VPS13A: variants seen among roughly 807,000 people sequenced by gnomAD.
The protein encoded by VPS13A is vacuolar protein sorting 13 homolog A.
VPS13A carries 264 observed loss-of-function variants against 390.9 expected under a neutral mutation model. The ratio of observed to expected loss-of-function variants is 0.68; its 90% CI spans 0.61 to 0.75. The LOEUF is 0.75. Ranked by LOEUF, VPS13A falls within the 30% of genes least tolerant of loss-of-function variation. The pLI, the probability that VPS13A is intolerant of heterozygous loss-of-function variation, is 0.00. For synonymous variants in VPS13A, 1,231 were observed against 1,227.1 expected (o/e 1.00, Z -0.07); for missense variants, 3,409 against 3,733.9 (o/e 0.91, Z 2.27).
intron 31 of VPS13A, among the ~76,000 whole-genome samples, chr9:77,291,495 G>C (rs1308067727): frequency 6.6e-6 from 1 of 152,140 alleles, no homozygotes; most frequent in Non-Finnish European, 1.5e-5. Context: ...GCTTAGGTTG[G>C]TTTGAATTCC....
chr9:77,357,229 G>A (rs1831846597), intron 55 of VPS13A, among the ~76,000 whole-genome samples: 1 of 140,326 alleles, frequency 7.1e-6, no homozygotes, highest in Admixed American at 7.9e-5. Context: ...TGAGGCATGA[G>A]AATGCCTTGA....
intron 70 of VPS13A, among the ~76,000 whole-genome samples, chr9:77,406,456 G>A (rs1834613007): frequency 6.6e-6 from 1 of 151,742 alleles, no homozygotes. Flanking sequence ...GTCTTGCCCT[G>A]TCGCCCAAGC....
intron 67 of VPS13A, among the ~76,000 whole-genome samples, chr9:77,374,800 A>C (rs1474651189): frequency 6.6e-6 from 1 of 152,210 alleles, no homozygotes; most frequent in Non-Finnish European, 1.5e-5. Context: ...TTTGTAACAC[A>C]TATAACAGAT....
chr9:77,324,994 A>G (rs1829933311), intron 45 of VPS13A, among the ~76,000 whole-genome samples: 1 of 152,186 alleles, frequency 6.6e-6, no homozygotes, highest in South Asian at 2.1e-4. Context: ...TTTCTTAGGA[A>G]TAGAAAGCTC....
intron 23 of VPS13A, among the ~76,000 whole-genome samples, chr9:77,270,482 G>A (rs1826284067): frequency 6.6e-6 from 1 of 152,156 alleles, no homozygotes; most frequent in Admixed American, 6.5e-5. Context: ...CTTGAGGCCA[G>A]GAGTTCAAGA....
intron 54 of VPS13A, among the ~76,000 whole-genome samples, chr9:77,356,508 G>A (rs900377973): frequency 3.3e-5 from 5 of 152,070 alleles, no homozygotes; most frequent in African/African-American, 1.2e-4. Context: ...ACTGATAACG[G>A]CTGTAACACC....
At chr9:77,372,674 A>T (rs1286332922) in intron 67 of VPS13A, among the ~76,000 whole-genome samples, 5 of 152,202 alleles carry the variant, frequency 3.3e-5, no homozygotes, top group South Asian at 4.1e-4. Flanking sequence ...GTATTCAGTT[A>T]GGAAAAGAGG....
intron 54 of VPS13A, among the ~76,000 whole-genome samples, chr9:77,355,902 G>A (rs1278015704): frequency 3.3e-5 from 5 of 152,112 alleles, no homozygotes; most frequent in Non-Finnish European, 5.9e-5. Context: ...CTGGCTTACT[G>A]TAGTACACTA....
Position 77,344,225 on chromosome 9 carries a change from A to T in VPS13A, c.7099A>T (p.Lys2367Ter). Residue 2367 changes from lysine to a stop codon, truncating the protein, a stop_gained, in exon 51 of 72, where the codon AAA becomes TAA. Coordinates refer to ENST00000360280, the MANE Select transcript of VPS13A (RefSeq NM_033305.3). LOFTEE classifies it high-confidence loss of function. ...AGTCGAAAGGAGTGAAGATCCTCCC[A>T]AAAGGATATATTTTAACAAGCAGGA... Reference protein sequence around the residue: ...IQVERSEDPPKRIYFNKQENC... With the variant: ...IQVERSEDPP 1 of 1,613,362 alleles carries T rather than the reference A, an allele frequency of 6.2e-7. No homozygotes were observed. Among genetic ancestry groups the T allele is most frequent in the Non-Finnish European group, 8.5e-7 (1 of 1,179,484 alleles).
chr9:77,401,516 A>G (rs1274059180), intron 68 of VPS13A, among the ~76,000 whole-genome samples: 1 of 152,150 alleles, frequency 6.6e-6, no homozygotes, highest in Admixed American at 6.5e-5. Context: ...TCTGCACAGT[A>G]TTTATTAAAC....
intron 44 of VPS13A, among the ~76,000 whole-genome samples, chr9:77,322,195 G>T (rs774927305): frequency 7.7e-5 from 11 of 142,844 alleles, no homozygotes; most frequent in South Asian, 4.4e-4. Context: ...TTTATAAATG[G>T]TTTTTTTTTT....
chr9:77,243,027 T>C (rs1008744474), intron 19 of VPS13A, among the ~76,000 whole-genome samples: 1 of 152,084 alleles, frequency 6.6e-6, no homozygotes. Context: ...ATATTTTGGA[T>C]TTTTTCTAGA....
chr9:77,277,048 C>T (rs17422967), intron 26 of VPS13A, among the ~76,000 whole-genome samples: 11,881 of 152,116 alleles, frequency 0.078, 582 homozygotes, highest in East Asian at 0.12. Context: ...CTTTTGTGTT[C>T]GTAATGGATA....
In VPS13A at chr9:77,295,791, C is replaced by G; in HGVS notation, c.3757C>G (p.Pro1253Ala). 2 of 1,613,966 alleles carry G rather than the reference C, an allele frequency of 1.2e-6. No homozygotes were observed. The highest frequency in any genetic ancestry group is 1.7e-6 in the Non-Finnish European group (2 of 1,179,936). Residue 1253 changes from proline to alanine, a missense_variant, in exon 33 of 72, where the codon CCC becomes GCC. Physicochemically the swap from Pro to Ala is conservative, Grantham distance 27. Transcript: ENST00000360280. ...TATGATAACAGAGAGCCAGAGCTCTCCCCCACCTGTTATTGATTTGATAAC... is the reference window on the plus strand; with the variant it reads ...TATGATAACAGAGAGCCAGAGCTCTGCCCCACCTGTTATTGATTTGATAAC... ...FHMITESQSS[P>A]PPVIDLITIK... is the part of the protein sequence containing the mutation.
At chr9:77,270,901 G>A (rs1826317655) in intron 23 of VPS13A, among the ~76,000 whole-genome samples, 1 of 152,120 alleles carries the variant, frequency 6.6e-6, no homozygotes, top group South Asian at 2.1e-4. Context: ...GTCCACAAGT[G>A]TAATTTCTGG....
chr9:77,368,665 C>T lies in VPS13A; in HGVS notation c.8553+529C>T, dbSNP rs73449981. ...TTTGCCATATACCCACTATGTGACC[C>T]TGAGTATCATCTGACTTATATGTTT... On this transcript the variant is annotated intron_variant, in intron 62 of 71. Transcript: ENST00000360280. Among the ~76,000 whole-genome samples, 233 of 152,276 alleles carry T rather than the reference C, an allele frequency of 1.5e-3. 1 individual carries two copies. The highest frequency in any genetic ancestry group is 5.1e-3 in the African/African-American group (214 of 41,558).
intron 19 of VPS13A, among the ~76,000 whole-genome samples, chr9:77,244,974 A>G (rs913749326): frequency 3.3e-5 from 5 of 152,140 alleles, no homozygotes; most frequent in Admixed American, 6.5e-5. Context: ...TTAGCAAACA[A>G]TTGGGTGAAT....
chr9:77,370,878 T>A lies in VPS13A; in HGVS notation c.8908-12T>A, dbSNP rs1832710715. 6.2e-7 allele frequency: 1 copy of A among 1,612,518 alleles called. No individual in the cohort carries two copies. On this transcript the variant is annotated splice_polypyrimidine_tract_variant and intron_variant, in intron 65 of 71. Coordinates refer to ENST00000360280, the MANE Select transcript of VPS13A (RefSeq NM_033305.3). ...AAAGTATTGTAAATTTTCAGTTGTGTTTTCCTTCTAGGGATTTGTTAGTGG... is the reference window on the plus strand; with the variant it reads ...AAAGTATTGTAAATTTTCAGTTGTGATTTCCTTCTAGGGATTTGTTAGTGG...
At position 77,381,469 on chromosome 9, in the gene VPS13A, A is replaced by G. The variant is rs146971241; in HGVS notation, c.9078-507A>G. Reference sequence around the variant, plus strand: ...ACCATGTGATCAAAACAATGCCAGAAAAGAAATTCTTATTTAAAATTCATT... The same window carrying G: ...ACCATGTGATCAAAACAATGCCAGAGAAGAAATTCTTATTTAAAATTCATT... On this transcript the variant is annotated intron_variant, in intron 67 of 71. Transcript: ENST00000360280. 3.9e-3 allele frequency among the ~76,000 whole-genome samples: 597 copies of G among 152,302 alleles called. 1 individual carries two copies. Among genetic ancestry groups the G allele is most frequent in the Middle Eastern group, 0.017 (5 of 294 alleles).
Sources: gnomAD v4.1 joint callset for allele counts (sites outside exome capture counted in the v4.1 genomes callset) on GRCh38, gnomAD v4.1.1 for gene constraint, MANE v1.5 for transcripts, NCBI Gene and HGNC (gene_info 2026-07-23, HGNC 2026-07-21) for gene names.